Variants in GHRHR observed in about 807,000 individuals in gnomAD.
GHRHR encodes growth hormone releasing hormone receptor.
A neutral mutation model predicts 58.3 loss-of-function variants in GHRHR; 40 were observed. That is an observed-to-expected ratio of 0.69 (90% CI 0.53 to 0.89). GHRHR has a LOEUF of 0.89. GHRHR is among the 40% of genes least tolerant of loss of function. The pLI, the probability that GHRHR is intolerant of heterozygous loss-of-function variation, is 0.00. For synonymous variants in GHRHR, 249 were observed against 216.6 expected (o/e 1.15, Z -1.31); for missense variants, 551 against 541.3 (o/e 1.02, Z -0.18).
At chr7:30,966,650 T>TA (rs933705431) in intron 1 of GHRHR, among the ~76,000 whole-genome samples, 1 of 151,556 alleles carries the variant, frequency 6.6e-6, no homozygotes, top group Non-Finnish European at 1.5e-5. Context: ...TTGTTTTTTT[T>TA]TTGTTTTTCT....
At chr7:30,974,321 T>A in intron 7 of GHRHR, 108 bp from the exon 8 acceptor site, 1 of 1,119,754 alleles carries the variant, frequency 8.9e-7, no homozygotes, top group Non-Finnish European at 1.4e-6. Flanking sequence ...TGCCTGGCCC[T>A]GCCTTTGCAG....
chr7:30,975,790 T>A lies in GHRHR; in HGVS notation c.896T>A (p.Leu299His), dbSNP rs748809967. 6.8e-6 allele frequency: 11 copies of A among 1,608,824 alleles called. No individual in the cohort carries two copies. The highest frequency in any genetic ancestry group is 1.3e-5 in the African/African-American group (1 of 74,788). ...CTCTATTTCCAGGTGAACTTTGGGCTTTTTCTCAATATTATCCGCATCCTG... is the reference window on the plus strand; with the variant it reads ...CTCTATTTCCAGGTGAACTTTGGGCATTTTCTCAATATTATCCGCATCCTG... The part of the protein sequence containing the change: ...IVLSVGVNFG[L>H]FLNIIRILVR... The change falls in exon 10 of 13, where the codon CTT (leucine) becomes CAT (histidine). Residue 299 changes from leucine (L) to histidine (H), a missense_variant. Transcript: ENST00000326139.
rs759152551 is a variant in GHRHR, at chr7:30,964,122, G to A, written c.54G>A (p.Pro18=). 1.7e-5 allele frequency: 26 copies of A among 1,548,564 alleles called. No individual in the cohort carries two copies. Among genetic ancestry groups the A allele is most frequent in the Middle Eastern group, 1.7e-4 (1 of 5,738 alleles). Residue 18 remains proline, a synonymous_variant, in exon 1 of 13, where the codon CCG becomes CCA. Transcript: ENST00000326139. ...AHVFCVLSPL[P]TVLGHMHPEC... ...TCTTCTGCGTGTTGAGCCCGTTACC[G>A]ACCGTGAGTAGCCAGCTGAGACCCT... is the stretch of plus-strand genomic sequence containing the variant.
At chr7:30,978,957 C>T (rs966629240) in intron 12 of GHRHR, among the ~76,000 whole-genome samples, 162 bp from the exon 13 acceptor site, 3 of 152,224 alleles carry the variant, frequency 2.0e-5, no homozygotes, top group African/African-American at 7.2e-5. Flanking sequence ...AAGTAGTATC[C>T]TCCAGAGGTA....
At position 30,963,953 on chromosome 7, in the gene GHRHR, A is replaced by G. The variant is rs1232186006; in HGVS notation, c.-116A>G. On this transcript the variant is annotated 5_prime_UTR_variant, in exon 1 of 13. Coordinates refer to ENST00000326139, the MANE Select transcript of GHRHR (RefSeq NM_000823.4). ...CTAGCTCCTGCCTATGCAAACAGCCACCTGAGAAGGGGAAGCAGAGGGTGC... is the reference window on the plus strand; with the variant it reads ...CTAGCTCCTGCCTATGCAAACAGCCGCCTGAGAAGGGGAAGCAGAGGGTGC... 1.0e-6 allele frequency: 1 copy of G among 965,918 alleles called. No homozygotes were observed. Among genetic ancestry groups the G allele is most frequent in the Non-Finnish European group, 1.6e-6 (1 of 621,782 alleles). The allele number at this position is 965,918 out of a possible 1,614,324, so 59.8% of individuals were successfully genotyped here.
intron 12 of GHRHR, 65 bp downstream of exon 12, chr7:30,977,387 C>T (rs1030477500): frequency 2.2e-6 from 3 of 1,358,180 alleles, no homozygotes; most frequent in African/African-American, 1.4e-5. Context: ...GCCCCTCCTC[C>T]TCTCTCCCAC....
rs750156453 is a variant in GHRHR, at chr7:30,971,200, A to C, written c.448A>C (p.Ile150Leu). The stretch of plus-strand genomic sequence containing the variant: ...TGTAGCCCTCTTCGTGGCCATCACC[A>C]TCCTGGTTGCTCTCAGGTTTGTCAT... ...SIVALFVAIT[I>L]LVALRRLHCP... Residue 150 changes from isoleucine (I) to leucine (L), a missense_variant, in exon 5 of 13, where the codon ATC becomes CTC. Ile to Leu is a conservative substitution (Grantham distance 5). Coordinates refer to ENST00000326139, the MANE Select transcript of GHRHR (RefSeq NM_000823.4). 6.8e-7 allele frequency: 1 copy of C among 1,478,688 alleles called. No homozygotes were observed. 91.6% of individuals were successfully genotyped at this position (1,478,688 alleles called of 1,614,324 possible). A position where few individuals can be genotyped will look rare whatever the true frequency, so the allele number is the denominator to read the frequency against.
intron 5 of GHRHR, 60 bp downstream of exon 5, chr7:30,971,276 C>A: frequency 1.3e-6 from 1 of 784,882 alleles, no homozygotes; most frequent in Non-Finnish European, 2.2e-6. Flanking sequence ...CCCAGAGGGT[C>A]AAGTCTGCTT....
At position 30,969,437 on chromosome 7, in the gene GHRHR, C is replaced by G. The variant is rs59765668; in HGVS notation, c.268+267C>G. ...GATGCCCTCCAGGTGTTAGCAGAAG[C>G]CTGGCTGCAAGGGTGGAGGAGGGCA... On this transcript the variant is annotated intron_variant, in intron 3 of 12. Transcript: ENST00000326139. The G allele has an allele frequency of 0.072, 42,805 of 594,560 alleles. 2,787 individuals are homozygous for G. Among genetic ancestry groups the G allele is most frequent in the African/African-American group, 0.26 (14,277 of 53,926 alleles). The allele number at this position is 594,560 out of a possible 1,614,324, so 36.8% of individuals were successfully genotyped here.
intron 1 of GHRHR, among the ~76,000 whole-genome samples, chr7:30,964,507 C>G (rs114030962): frequency 0.014 from 2,090 of 152,292 alleles, 47 homozygotes; most frequent in African/African-American, 0.047. Context: ...CTGCAGTTTG[C>G]TCTTTCTCTC....
chr7:30,978,235 C>T (rs1792625175), intron 12 of GHRHR, among the ~76,000 whole-genome samples: 1 of 152,194 alleles, frequency 6.6e-6, no homozygotes, highest in African/African-American at 2.4e-5. Flanking sequence ...CTCTAAGTCC[C>T]ATGCAGCCTT....
At chr7:30,965,312 G>T (rs1370858725) in intron 1 of GHRHR, among the ~76,000 whole-genome samples, 1 of 152,164 alleles carries the variant, frequency 6.6e-6, no homozygotes, top group East Asian at 1.9e-4. Context: ...TTGCCAGTGT[G>T]GGCATCATCC....
intron 9 of GHRHR, 54 bp downstream of exon 9, chr7:30,975,094 ACT>A (rs2128598462): frequency 5.0e-6 from 6 of 1,197,818 alleles, no homozygotes; most frequent in Non-Finnish European, 6.3e-6. Flanking sequence ...CCCTGGAACT[ACT>A]GACGGGCTGT....
At chr7:30,968,057 C>T (rs1477439738) in intron 1 of GHRHR, among the ~76,000 whole-genome samples, 1 of 152,166 alleles carries the variant, frequency 6.6e-6, no homozygotes, top group East Asian at 1.9e-4. Context: ...CCTCATGTCA[C>T]CTCCTCTGAT....
chr7:30,968,905 A>G lies in GHRHR; in HGVS notation c.129A>G (p.Gln43=). ...QLREDESACL[Q]AAEEMPNTTL... The stretch of plus-strand genomic sequence containing the variant: ...GAGAGGATGAGAGTGCCTGTCTACA[A>G]GCAGCAGAGGAGATGCCCAACACCA... The change falls in exon 2 of 13, where the codon CAA becomes CAG. Residue 43 remains glutamine (Q), a synonymous_variant. Transcript: ENST00000326139. The G allele has an allele frequency of 6.2e-7, 1 of 1,613,810 alleles. No individual in the cohort carries two copies. The highest frequency in any genetic ancestry group is 1.3e-5 in the African/African-American group (1 of 75,006).
rs542522971 is a variant in GHRHR, at chr7:30,969,766, A to G, written c.269-101A>G. The stretch of plus-strand genomic sequence containing the variant: ...TCTCTGTTGCTCAGAGGAGCTGTCC[A>G]TGCAAACCCTGCCAGGGTCACTTGA... On this transcript the variant is annotated intron_variant, in intron 3 of 12. Coordinates refer to ENST00000326139, the MANE Select transcript of GHRHR (RefSeq NM_000823.4). 20 of 1,153,448 alleles carry G rather than the reference A, an allele frequency of 1.7e-5. 1 individual carries two copies. The Admixed American group carries it at 2.4e-4, about 14-fold the overall frequency. 71.5% of individuals were successfully genotyped at this position (1,153,448 alleles called of 1,614,324 possible). A position where few individuals can be genotyped will look rare whatever the true frequency, so the allele number is the denominator to read the frequency against.
Position 30,979,237 on chromosome 7 carries a change from T to C in GHRHR, c.1265T>C (p.Met422Thr), listed in dbSNP as rs2228078. ...SRSAAKVLTS[M>T]C Reference sequence around the variant, plus strand: ...TCGGCGGCAAAGGTGCTGACATCTATGTGCTAGGCTGCCTCATCACGCCAC... The same window carrying C: ...TCGGCGGCAAAGGTGCTGACATCTACGTGCTAGGCTGCCTCATCACGCCAC... The change falls in exon 13 of 13, where the codon ATG becomes ACG. Residue 422 changes from methionine to threonine, a missense_variant. Met to Thr is a moderately conservative substitution (Grantham distance 81). Transcript: ENST00000326139. 38,379 of 1,613,800 alleles carry C rather than the reference T, an allele frequency of 0.024. 2,066 individuals carry two copies. Among genetic ancestry groups the C allele is most frequent in the Admixed American group, 0.22 (13,228 of 59,998 alleles).
At chr7:30,967,351 G>A (rs557083559) in intron 1 of GHRHR, among the ~76,000 whole-genome samples, 1 of 152,218 alleles carries the variant, frequency 6.6e-6, no homozygotes, top group East Asian at 1.9e-4. Flanking sequence ...GGTTCTTGAG[G>A]CACACTTTCA....
At chr7:30,966,304 A>C (rs1792350472) in intron 1 of GHRHR, among the ~76,000 whole-genome samples, 1 of 136,580 alleles carries the variant, frequency 7.3e-6, no homozygotes, top group Admixed American at 8.5e-5. Flanking sequence ...CTGCTACACT[A>C]TTTGCTGTGC....
Sources: allele counts gnomAD v4.1 joint callset (sites outside exome capture counted in the v4.1 genomes callset), GRCh38; gene constraint gnomAD v4.1.1; transcripts MANE v1.5; gene names NCBI Gene and HGNC (gene_info 2026-07-23, HGNC 2026-07-21).